Variants in HDAC9 observed in about 807,000 individuals in gnomAD.
The protein encoded by HDAC9 is histone deacetylase 9.
A neutral mutation model predicts 139.4 loss-of-function variants in HDAC9; 41 were observed. That is an observed-to-expected ratio of 0.29 (90% CI 0.23 to 0.38). The LOEUF is 0.38. Ranked by LOEUF, HDAC9 falls within the 10% of genes least tolerant of loss-of-function variation. The pLI is 1.00. For synonymous variants in HDAC9, 517 were observed against 476.2 expected (o/e 1.09, Z -1.12); for missense variants, 1,147 against 1,297.0 (o/e 0.88, Z 1.78).
At chr7:18,826,795 G>T (rs3852254) in intron 17 of HDAC9, among the ~76,000 whole-genome samples, 21,824 of 150,514 alleles carry the variant, frequency 0.14, 3,182 homozygotes, top group African/African-American at 0.38. Flanking sequence ...CTTCTTTGTT[G>T]TCATGCTTTA....
intron 25 of HDAC9, among the ~76,000 whole-genome samples, chr7:18,983,641 T>TGAA (rs1785105910): frequency 1.3e-5 from 2 of 152,322 alleles, no homozygotes; most frequent in East Asian, 3.9e-4. Flanking sequence ...GGAAGTCATA[T>TGAA]GTTTTACTTC....
intron 22 of HDAC9, among the ~76,000 whole-genome samples, chr7:18,913,714 T>A (rs1407028009): frequency 6.6e-6 from 1 of 150,580 alleles, no homozygotes; most frequent in African/African-American, 2.4e-5. Context: ...GTTAAAACCC[T>A]AGAAGATAAG....
intron 21 of HDAC9, among the ~76,000 whole-genome samples, chr7:18,849,013 T>C (rs1403845210): frequency 6.6e-6 from 1 of 152,158 alleles, no homozygotes; most frequent in Admixed American, 6.5e-5. Context: ...TCTGTAAGTA[T>C]CATGAAAACT....
intron 2 of HDAC9, among the ~76,000 whole-genome samples, chr7:18,248,156 G>T (rs1794680635): frequency 6.6e-6 from 1 of 152,078 alleles, no homozygotes; most frequent in African/African-American, 2.4e-5. Flanking sequence ...AGTCGTGTCT[G>T]GGATAATTAA....
intron 14 of HDAC9, among the ~76,000 whole-genome samples, chr7:18,758,196 G>A (rs1166607112): frequency 6.6e-6 from 1 of 152,180 alleles, no homozygotes; most frequent in Non-Finnish European, 1.5e-5. Flanking sequence ...CTCCAGGTGA[G>A]AAATCCCCAG....
intron 21 of HDAC9, among the ~76,000 whole-genome samples, chr7:18,857,989 AAAAC>A (rs1210012737): frequency 2.6e-5 from 4 of 152,304 alleles, no homozygotes; most frequent in African/African-American, 9.6e-5. Flanking sequence ...TATTTGGTCT[AAAAC>A]AAATACACAT....
chr7:18,832,113 C>T lies in HDAC9; in HGVS notation c.2466+2565C>T, dbSNP rs1795896661. Reference sequence around the variant, plus strand: ...TATTCAGACTAGTGTGGACAGGGAGCAGGTGTACTTGCTTTTCAACTTGCA... The same window carrying T: ...TATTCAGACTAGTGTGGACAGGGAGTAGGTGTACTTGCTTTTCAACTTGCA... On this transcript the variant is annotated intron_variant, in intron 19 of 25. Coordinates refer to ENST00000686413, the MANE Select transcript of HDAC9 (RefSeq NM_178425.4). Among the ~76,000 whole-genome samples the T allele has an allele frequency of 2.0e-5, 3 of 152,296 alleles. No homozygotes were observed. The South Asian group carries it at 6.2e-4, about 32-fold the overall frequency.
chr7:18,955,189 A>T (rs1783064951), intron 24 of HDAC9, among the ~76,000 whole-genome samples: 1 of 152,140 alleles, frequency 6.6e-6, no homozygotes, highest in Admixed American at 6.6e-5. Context: ...TGCACTATTC[A>T]AGTCTCTGAT....
intron 1 of HDAC9, among the ~76,000 whole-genome samples, chr7:18,462,156 T>C (rs1793907226): frequency 6.6e-6 from 1 of 152,076 alleles, no homozygotes; most frequent in Admixed American, 6.6e-5. Flanking sequence ...TATAAAAGTA[T>C]GTTTTAACCT....
intron 1 of HDAC9, among the ~76,000 whole-genome samples, chr7:18,404,405 G>A (rs1214686431): frequency 6.6e-6 from 1 of 152,172 alleles, no homozygotes; most frequent in Non-Finnish European, 1.5e-5. Context: ...CACATTAGAA[G>A]AAGGAGAATG....
chr7:18,832,039 C>G (rs1795892019), intron 19 of HDAC9, among the ~76,000 whole-genome samples: 1 of 152,190 alleles, frequency 6.6e-6, no homozygotes, highest in Non-Finnish European at 1.5e-5. Context: ...TCTAGTTGAT[C>G]TGTGGAGCTC....
chr7:18,758,534 T>C (rs1789085365), intron 14 of HDAC9, among the ~76,000 whole-genome samples: 1 of 152,272 alleles, frequency 6.6e-6, no homozygotes, highest in Non-Finnish European at 1.5e-5. Context: ...AAATTACTGA[T>C]GGCAATACCA....
chr7:18,185,164 G>A (rs1372307568), intron 2 of HDAC9, among the ~76,000 whole-genome samples: 11 of 152,208 alleles, frequency 7.2e-5, no homozygotes, highest in Admixed American at 6.5e-4. Flanking sequence ...CTTACAGACA[G>A]TGATCGAGGC....
intron 1 of HDAC9, among the ~76,000 whole-genome samples, chr7:18,320,425 G>A (rs114519222): frequency 8.2e-4 from 125 of 152,240 alleles, no homozygotes; most frequent in African/African-American, 3.0e-3. Flanking sequence ...AAAATCCTTT[G>A]TACCGGCTCT....
At chr7:18,975,710 A>T in intron 24 of HDAC9, 96 bp from the exon 25 acceptor site, 1 of 1,188,666 alleles carries the variant, frequency 8.4e-7, no homozygotes, top group South Asian at 1.4e-5. Context: ...GGGGAATTTT[A>T]ACTTAACAAC....
chr7:18,526,522 C>T (rs1806983500), intron 2 of HDAC9, among the ~76,000 whole-genome samples: 1 of 152,166 alleles, frequency 6.6e-6, no homozygotes, highest in Non-Finnish European at 1.5e-5. Context: ...ACAGTGGGAA[C>T]ATCTAGTTCT....
At chr7:18,738,567 T>C (rs1359111018) in intron 13 of HDAC9, among the ~76,000 whole-genome samples, 1 of 152,230 alleles carries the variant, frequency 6.6e-6, no homozygotes, top group Non-Finnish European at 1.5e-5. Flanking sequence ...TTCTTTTCTT[T>C]GAGAATGTTG....
At chr7:18,450,111 A>G (rs1185211374) in intron 1 of HDAC9, among the ~76,000 whole-genome samples, 1 of 152,332 alleles carries the variant, frequency 6.6e-6, no homozygotes, top group African/African-American at 2.4e-5. Flanking sequence ...GACTCAGACT[A>G]AGATATCAAT....
chr7:18,377,795 C>T (rs1366347172), intron 1 of HDAC9, among the ~76,000 whole-genome samples: 1 of 152,038 alleles, frequency 6.6e-6, no homozygotes, highest in African/African-American at 2.4e-5. Context: ...GATCTCGTTA[C>T]ATTTAAGCAT....
Sources: allele counts gnomAD v4.1 joint callset (sites outside exome capture counted in the v4.1 genomes callset), GRCh38; gene constraint gnomAD v4.1.1; transcripts MANE v1.5; gene names NCBI Gene and HGNC (gene_info 2026-07-23, HGNC 2026-07-21).